Variants in SHANK2 observed in about 807,000 individuals in gnomAD.
SHANK2 encodes SH3 and multiple ankyrin repeat domains protein 2.
SHANK2 carries 43 observed loss-of-function variants against 133.7 expected under a neutral mutation model. The ratio of observed to expected loss-of-function variants is 0.32; its 90% confidence interval spans 0.25 to 0.41. The LOEUF is 0.41. Ranked by LOEUF, SHANK2 falls within the 10% of genes least tolerant of loss-of-function variation. The pLI, the probability that SHANK2 is intolerant of heterozygous loss-of-function variation, is 1.00. For synonymous variants in SHANK2, 1,017 were observed against 952.8 expected (o/e 1.07, Z -1.24); for missense variants, 1,994 against 2,235.8 (o/e 0.89, Z 2.18).
chr11:70,522,166 GCTTT>G (rs1334380132), intron 17 of SHANK2, among the ~76,000 whole-genome samples: 2 of 152,184 alleles, frequency 1.3e-5, no homozygotes, highest in African/African-American at 4.8e-5. Flanking sequence ...CCCCGCTCCA[GCTTT>G]CTGAGGCCTT....
intron 21 of SHANK2, among the ~76,000 whole-genome samples, chr11:70,493,464 AT>A (rs34242934): frequency 0.15 from 21,548 of 140,196 alleles, 1,634 homozygotes; most frequent in East Asian, 0.37. Flanking sequence ...TTTGCAGCAC[AT>A]TTTTTTTTTT....
intron 2 of SHANK2, among the ~76,000 whole-genome samples, chr11:71,217,070 C>T (rs548869305): frequency 8.5e-5 from 13 of 152,120 alleles, no homozygotes; most frequent in African/African-American, 2.9e-4. Context: ...GTGGTGCATG[C>T]CTCTAAGTCC....
At position 70,723,691 on chromosome 11, in the gene SHANK2, C is replaced by A. The variant is rs987367976; in HGVS notation, c.1778-24928G>T. On this transcript the variant is annotated intron_variant, in intron 14 of 25. Coordinates refer to ENST00000601538, the MANE Select transcript of SHANK2 (RefSeq NM_012309.5). ...GCAGCAACAGGTGACTAATCAAGTC[C>A]CACACTGTTTAGACTTATGAGCCAT... is the stretch of plus-strand genomic sequence containing the variant. Among the ~76,000 whole-genome samples the A allele has an allele frequency of 7.9e-5, 12 of 152,204 alleles. No homozygotes were observed. In the East Asian group the frequency reaches 2.3e-3, roughly 29 times the overall value.
At chr11:70,614,660 T>A (rs1554995406) in intron 17 of SHANK2, among the ~76,000 whole-genome samples, 3 of 152,214 alleles carry the variant, frequency 2.0e-5, no homozygotes, top group African/African-American at 7.2e-5. Context: ...CAAGCAGCAT[T>A]CCAGGCCCTT....
In SHANK2 at chr11:70,820,455, C is replaced by T. The variant is rs562398920; in HGVS notation, c.1402G>A (p.Val468Met). The T allele has an allele frequency of 1.1e-5, 8 of 714,922 alleles. No homozygotes were observed. Among genetic ancestry groups the T allele is most frequent in the South Asian group, 3.0e-5 (2 of 67,474 alleles). 44.3% of individuals were successfully genotyped at this position (714,922 alleles called of 1,614,324 possible). A position where few individuals can be genotyped will look rare whatever the true frequency, so the allele number is the denominator to read the frequency against. Reference protein sequence around the residue: ...EGAAKTIGSYVPGPRSRSPSL... With the variant: ...EGAAKTIGSYMPGPRSRSPSL... Reference sequence around the variant, plus strand: ...GGGGACCGGCTGCGGGGCCCGGGCACGTAGCTCCCAATGGTCTTCGCGGCC... The same window carrying T: ...GGGGACCGGCTGCGGGGCCCGGGCATGTAGCTCCCAATGGTCTTCGCGGCC... Residue 468 changes from valine to methionine, a missense_variant, in exon 12 of 26, where the codon GTG becomes ATG. By Grantham distance (21) the Val-to-Met change is conservative. This residue lies in a region of SHANK2 where 653 missense variants were observed against 563.4 expected (regional missense o/e 1.16). Coordinates refer to ENST00000601538, the MANE Select transcript of SHANK2 (RefSeq NM_012309.5).
chr11:70,580,908 G>A (rs533244526), intron 17 of SHANK2, among the ~76,000 whole-genome samples: 1 of 152,332 alleles, frequency 6.6e-6, no homozygotes, highest in African/African-American at 2.4e-5. Flanking sequence ...CAGCACACAC[G>A]TGTGGGTATA....
chr11:70,663,746 T>C (rs1462018456), intron 15 of SHANK2, among the ~76,000 whole-genome samples: 3 of 152,152 alleles, frequency 2.0e-5, no homozygotes, highest in Non-Finnish European at 4.4e-5. Context: ...GTCACAACTG[T>C]GAGCCCCTCT....
At position 70,953,068 on chromosome 11, in the gene SHANK2, C is replaced by T. The variant is rs543029171; in HGVS notation, c.1108-56501G>A. ...ACGCAGCCTCCTTCCCTGTGTGTGC[C>T]CTACGAGGACCTTGGTGATTACGCT... On this transcript the variant is annotated intron_variant, in intron 10 of 25. Transcript: ENST00000601538. 1.8e-4 allele frequency among the ~76,000 whole-genome samples: 27 copies of T among 152,156 alleles called. No individual in the cohort carries two copies. The South Asian group carries it at 3.9e-3, about 22-fold the overall frequency.
chr11:70,696,661 T>G (rs1340881553), intron 15 of SHANK2, among the ~76,000 whole-genome samples: 2 of 152,190 alleles, frequency 1.3e-5, no homozygotes, highest in Non-Finnish European at 2.9e-5. Context: ...TCTGTGACAT[T>G]CCCTGGAGGG....
intron 11 of SHANK2, chr11:70,864,093 T>C (rs1260842122): frequency 3.2e-6 from 1 of 315,082 alleles, no homozygotes; most frequent in African/African-American, 2.2e-5. Flanking sequence ...CAGTTCGGGG[T>C]GCCCACACAC....
chr11:71,210,254 T>TATATATATATATATATA (rs1565516818), intron 2 of SHANK2, among the ~76,000 whole-genome samples: 2 of 59,964 alleles, frequency 3.3e-5, no homozygotes, highest in African/African-American at 1.7e-4. Flanking sequence ...ATATATATAT[T>TATATATATATATATATA]TATTTATTTT....
intron 2 of SHANK2, among the ~76,000 whole-genome samples, chr11:71,165,953 C>T (rs571491303): frequency 2.6e-5 from 4 of 152,164 alleles, no homozygotes; most frequent in Non-Finnish European, 5.9e-5. Flanking sequence ...CTCTGCTGAG[C>T]GTGAGTGGAG....
intron 17 of SHANK2, among the ~76,000 whole-genome samples, chr11:70,565,935 G>A (rs982432488): frequency 6.6e-5 from 10 of 152,112 alleles, no homozygotes; most frequent in African/African-American, 2.2e-4. Flanking sequence ...TCACGCTGCC[G>A]ATAAAGATAT....
rs183495411 is a variant in SHANK2 at position 70,736,021 on chromosome 11, G to A, written c.1778-37258C>T. Among the ~76,000 whole-genome samples, 140 of 151,454 alleles carry A rather than the reference G, an allele frequency of 9.2e-4. 1 individual carries two copies. The Middle Eastern group carries it at 0.017, about 18-fold the overall frequency. Reference sequence around the variant, plus strand: ...CCATGTTTTCCTGATCCAGGCCATCGCCTTCCTCCACAGCCACTAGAGTAG... The same window carrying A: ...CCATGTTTTCCTGATCCAGGCCATCACCTTCCTCCACAGCCACTAGAGTAG... On this transcript the variant is annotated intron_variant, in intron 14 of 25. Coordinates refer to ENST00000601538, the MANE Select transcript of SHANK2 (RefSeq NM_012309.5).
At chr11:70,559,748 G>A (rs1210700627) in intron 17 of SHANK2, among the ~76,000 whole-genome samples, 5 of 152,000 alleles carry the variant, frequency 3.3e-5, no homozygotes, top group Admixed American at 6.6e-5. Context: ...AAGACGGTGC[G>A]CCCTGCCCAG....
intron 14 of SHANK2, among the ~76,000 whole-genome samples, chr11:70,741,899 C>T (rs989383775): frequency 2.0e-5 from 3 of 152,184 alleles, no homozygotes; most frequent in African/African-American, 4.8e-5. Flanking sequence ...CCCCAGCAGT[C>T]CCACAGGAAG....
chr11:70,663,303 A>G (rs1944611751), intron 15 of SHANK2, among the ~76,000 whole-genome samples: 1 of 152,120 alleles, frequency 6.6e-6, no homozygotes, highest in South Asian at 2.1e-4. Flanking sequence ...CCAGCTGGTG[A>G]CAGCACAGCC....
chr11:71,196,316 T>C (rs1953900336), intron 2 of SHANK2, among the ~76,000 whole-genome samples: 1 of 152,110 alleles, frequency 6.6e-6, no homozygotes, highest in Non-Finnish European at 1.5e-5. Context: ...GACAGTGTCT[T>C]GCTCTGTTAC....
chr11:70,865,777 T>C, intron 11 of SHANK2, among the ~76,000 whole-genome samples: 1 of 152,226 alleles, frequency 6.6e-6, no homozygotes. Context: ...GAGCCTCAGA[T>C]AGATAGATTC....
Sources: allele counts gnomAD v4.1 joint callset (sites outside exome capture counted in the v4.1 genomes callset), GRCh38; gene constraint gnomAD v4.1.1; regional missense constraint gnomAD v4.1.1; transcripts MANE v1.5; gene names NCBI Gene and HGNC (gene_info 2026-07-23, HGNC 2026-07-21).